LHFPL1: variants seen among roughly 807,000 people sequenced by gnomAD.
LHFPL1 encodes LHFPL tetraspan subfamily member 1.
Under a neutral mutation model 12.1 loss-of-function variants are expected in LHFPL1, and 4 were observed. That is an observed-to-expected ratio of 0.33 (90% CI 0.16 to 0.76). The LOEUF (loss-of-function observed/expected upper bound fraction) is 0.76, where lower values mean the gene tolerates loss of function less well. LHFPL1 is among the 30% of genes least tolerant of loss of function. The pLI is 0.61. For missense variants in LHFPL1, 141 were observed against 174.1 expected, an observed-to-expected ratio of 0.81 and a Z score of 1.07; for synonymous variants, 52 against 61.9, an observed-to-expected ratio of 0.84 and a Z score of 0.75.
At chrX:112,678,761 C>T (rs1931722919) in intron 1 of LHFPL1, among the ~76,000 whole-genome samples, 3 of 111,708 alleles carry the variant, frequency 2.7e-5, no homozygotes, top group Non-Finnish European at 3.8e-5. Context: ...TCACTGAATT[C>T]GAATTTATGG....
chrX:112,671,307 G>C lies in LHFPL1; in HGVS notation c.84C>G (p.Phe28Leu). 1 of 1,211,893 alleles carries C rather than the reference G, an allele frequency of 8.3e-7. No homozygotes were observed. The highest frequency in any genetic ancestry group is 1.1e-6 in the Non-Finnish European group (1 of 895,516). ...VTAVTSSTSY[F>L]LPYWLFGSQM... Reference sequence around the variant, plus strand: ...GGGATCCAAAGAGCCAGTAAGGTAGGAAGTAACTGGTAGAACTGGTCACAG... The same window carrying C: ...GGGATCCAAAGAGCCAGTAAGGTAGCAAGTAACTGGTAGAACTGGTCACAG... The change falls in exon 2 of 4, where the codon TTC (phenylalanine) becomes TTG (leucine). Residue 28 changes from phenylalanine (F) to leucine (L), a missense_variant. Transcript: ENST00000371968.
chrX:112,672,435 A>T (rs2065299200), intron 1 of LHFPL1, among the ~76,000 whole-genome samples: 1 of 110,651 alleles, frequency 9.0e-6, no homozygotes, highest in Non-Finnish European at 1.9e-5. Context: ...TCCCAACTCC[A>T]TTAATCTGCC....
chrX:112,659,583 A>C (rs1227968899), intron 3 of LHFPL1, among the ~76,000 whole-genome samples: 1 of 112,138 alleles, frequency 8.9e-6, no homozygotes, highest in African/African-American at 3.2e-5. Flanking sequence ...TATATCAACG[A>C]AACTGTCATT....
chrX:112,675,986 T>C (rs933842450), intron 1 of LHFPL1, among the ~76,000 whole-genome samples: 12 of 112,319 alleles, frequency 1.1e-4, no homozygotes, highest in Admixed American at 1.9e-4. Context: ...AATTACTTAA[T>C]AGCTTCTGAA....
chrX:112,670,678 TAC>T (rs1469934644), intron 2 of LHFPL1, among the ~76,000 whole-genome samples: 2 of 112,512 alleles, frequency 1.8e-5, no homozygotes, highest in East Asian at 5.6e-4. Context: ...GCAGTAATAC[TAC>T]AGTGTATGTT....
chrX:112,664,555 G>A (rs1931277827), intron 2 of LHFPL1, among the ~76,000 whole-genome samples: 1 of 111,135 alleles, frequency 9.0e-6, no homozygotes, highest in Non-Finnish European at 1.9e-5. Context: ...TCCGTGCTCT[G>A]CCCAACCTGC....
At chrX:112,639,658 G>A (rs971275650) in intron 3 of LHFPL1, among the ~76,000 whole-genome samples, 2 of 112,109 alleles carry the variant, frequency 1.8e-5, no homozygotes, top group South Asian at 3.7e-4. Flanking sequence ...ATTAGCTTCC[G>A]ACCTTTCCTC....
intron 3 of LHFPL1, among the ~76,000 whole-genome samples, chrX:112,633,694 A>G (rs761144768): frequency 1.8e-5 from 2 of 111,745 alleles, no homozygotes; most frequent in Non-Finnish European, 3.8e-5. Flanking sequence ...AGACCTGGGC[A>G]GTCTAAAGTT....
At chrX:112,679,358 T>C (rs1453272925) in intron 1 of LHFPL1, among the ~76,000 whole-genome samples, 2 of 112,260 alleles carry the variant, frequency 1.8e-5, no homozygotes, top group Non-Finnish European at 3.8e-5. Context: ...GGCCTCAATA[T>C]TTGCATTTCA....
At chrX:112,675,873 G>C (rs745781356) in intron 1 of LHFPL1, among the ~76,000 whole-genome samples, 8 of 112,357 alleles carry the variant, frequency 7.1e-5, no homozygotes, top group Non-Finnish European at 1.3e-4. Flanking sequence ...AAGTGACTAT[G>C]GAATTAAACA....
chrX:112,637,740 A>G (rs1458237463), intron 3 of LHFPL1, among the ~76,000 whole-genome samples: 1 of 112,430 alleles, frequency 8.9e-6, no homozygotes, highest in Non-Finnish European at 1.9e-5. Context: ...AGGAAGAGTC[A>G]GGGAAGCAGG....
In LHFPL1 at chrX:112,645,973, T is replaced by C. The variant is rs142323163; in HGVS notation, c.482-14372A>G. Reference sequence around the variant, plus strand: ...GTATACGTGGGAGTAAGGAAACTAGTCCTAGGTCACTAGTTGTGGGGCCTT... The same window carrying C: ...GTATACGTGGGAGTAAGGAAACTAGCCCTAGGTCACTAGTTGTGGGGCCTT... On this transcript the variant is annotated intron_variant, in intron 3 of 3. Coordinates refer to ENST00000371968, the MANE Select transcript of LHFPL1 (RefSeq NM_178175.4). Among the ~76,000 whole-genome samples, 49 of 111,352 alleles carry C rather than the reference T, an allele frequency of 4.4e-4. No individual in the cohort carries two copies. The East Asian group carries it at 0.011, about 25-fold the overall frequency.
chrX:112,649,562 G>A (rs1040893971), intron 3 of LHFPL1, among the ~76,000 whole-genome samples: 2 of 111,584 alleles, frequency 1.8e-5, no homozygotes, highest in Non-Finnish European at 3.8e-5. Flanking sequence ...TCTCTCCTTT[G>A]ACTGTAATAT....
intron 3 of LHFPL1, among the ~76,000 whole-genome samples, chrX:112,644,797 A>C (rs1930639434): frequency 8.9e-6 from 1 of 112,247 alleles, no homozygotes. Context: ...AATGTATTAG[A>C]CTGCTTCTTT....
At chrX:112,671,504 G>T in intron 1 of LHFPL1, 100 bp from the exon 2 acceptor site, 2 of 1,181,164 alleles carry the variant, frequency 1.7e-6, no homozygotes, top group Non-Finnish European at 2.3e-6. Flanking sequence ...CCAGTCCTGG[G>T]GCTCAATTAT....
At chrX:112,640,423 G>A (rs776237480) in intron 3 of LHFPL1, among the ~76,000 whole-genome samples, 23 of 111,774 alleles carry the variant, frequency 2.1e-4, no homozygotes, top group Middle Eastern at 4.6e-3. Context: ...TTTTCGAGGT[G>A]GCTGGGCAAG....
chrX:112,676,252 T>C (rs1399817455), intron 1 of LHFPL1, among the ~76,000 whole-genome samples: 1 of 112,441 alleles, frequency 8.9e-6, no homozygotes, highest in Non-Finnish European at 1.9e-5. Context: ...CAATGCTATA[T>C]TTTATTCTAT....
At chrX:112,646,078 G>C (rs1930676823) in intron 3 of LHFPL1, among the ~76,000 whole-genome samples, 2 of 111,372 alleles carry the variant, frequency 1.8e-5, no homozygotes, top group African/African-American at 3.3e-5. Flanking sequence ...CAGGTTCCCG[G>C]TTAATGTTTG....
At chrX:112,640,760 G>A (rs1256412340) in intron 3 of LHFPL1, among the ~76,000 whole-genome samples, 4 of 110,847 alleles carry the variant, frequency 3.6e-5, no homozygotes, top group Admixed American at 9.5e-5. Flanking sequence ...TCCTTCTGAC[G>A]ACACTACACA....
Sources: gnomAD v4.1 joint callset for allele counts (sites outside exome capture counted in the v4.1 genomes callset) on GRCh38, gnomAD v4.1.1 for gene constraint, MANE v1.5 for transcripts, NCBI Gene and HGNC (gene_info 2026-07-23, HGNC 2026-07-21) for gene names.